Variants in GRXCR1 observed in about 807,000 individuals in gnomAD.
GRXCR1 encodes glutaredoxin and cysteine rich domain containing 1.
Under a neutral mutation model 27.3 loss-of-function variants are expected in GRXCR1, and 27 were observed. That is an observed-to-expected ratio of 0.99 (90% CI 0.73 to 1.37). The LOEUF (loss-of-function observed/expected upper bound fraction) is 1.37. Among genes scored for constraint, GRXCR1 ranks in the 40% most tolerant of loss-of-function variants. The pLI is 0.00. For synonymous variants in GRXCR1, 122 were observed against 131.1 expected, an observed-to-expected ratio of 0.93 and a Z score of 0.47; for missense variants, 379 against 354.4, an observed-to-expected ratio of 1.07 and a Z score of -0.56.
At chr4:42,894,050 C>T (rs985187165) in intron 1 of GRXCR1, among the ~76,000 whole-genome samples, 4 of 152,218 alleles carry the variant, frequency 2.6e-5, no homozygotes, top group African/African-American at 7.2e-5. Context: ...TAGATATTTA[C>T]ACCAGAAAAT....
At chr4:42,914,554 G>C (rs971810972) in intron 1 of GRXCR1, among the ~76,000 whole-genome samples, 6 of 152,190 alleles carry the variant, frequency 3.9e-5, no homozygotes, top group African/African-American at 1.4e-4. Flanking sequence ...CAGGCTCATA[G>C]GTGAAAGGGA....
chr4:42,994,191 A>G (rs754550047), intron 2 of GRXCR1, among the ~76,000 whole-genome samples: 5 of 152,138 alleles, frequency 3.3e-5, no homozygotes, highest in Non-Finnish European at 7.4e-5. Context: ...GGAGAGGACT[A>G]TAAGTCATGT....
chr4:42,989,266 G>T (rs1711881052), intron 2 of GRXCR1, among the ~76,000 whole-genome samples: 1 of 152,116 alleles, frequency 6.6e-6, no homozygotes, highest in African/African-American at 2.4e-5. Context: ...TTCTTGACTT[G>T]CAGGTGGCTG....
At chr4:42,901,056 C>T (rs1374616122) in intron 1 of GRXCR1, among the ~76,000 whole-genome samples, 1 of 152,192 alleles carries the variant, frequency 6.6e-6, no homozygotes, top group Non-Finnish European at 1.5e-5. Flanking sequence ...TGCTTCTAAA[C>T]TGTCCCAAGT....
At chr4:42,978,448 G>A (rs547754414) in intron 2 of GRXCR1, among the ~76,000 whole-genome samples, 1 of 151,882 alleles carries the variant, frequency 6.6e-6, no homozygotes, top group East Asian at 1.9e-4. Context: ...CAGAATATCT[G>A]TTCATTTATT....
intron 2 of GRXCR1, among the ~76,000 whole-genome samples, chr4:43,003,990 AGACTTTACT>A (rs755660347): frequency 6.6e-6 from 1 of 152,228 alleles, no homozygotes; most frequent in Admixed American, 6.5e-5. Flanking sequence ...GGCATGCCAG[AGACTTTACT>A]GACTGCCCCT....
intron 2 of GRXCR1, among the ~76,000 whole-genome samples, chr4:42,987,222 T>TTATATATAATATA (rs1553943891): frequency 9.9e-6 from 1 of 100,594 alleles, no homozygotes; most frequent in Non-Finnish European, 1.9e-5. Flanking sequence ...TATATATATA[T>TTATATATAATATA]TATATATTAT....
intron 1 of GRXCR1, among the ~76,000 whole-genome samples, chr4:42,922,593 C>T (rs773215359): frequency 5.9e-5 from 9 of 152,048 alleles, no homozygotes; most frequent in Non-Finnish European, 1.3e-4. Flanking sequence ...CCATGTCCCC[C>T]ATTAGGGCAA....
intron 2 of GRXCR1, among the ~76,000 whole-genome samples, chr4:43,014,241 A>G (rs376712037): frequency 1.3e-5 from 2 of 152,164 alleles, no homozygotes; most frequent in South Asian, 2.1e-4. Flanking sequence ...TGTTTGGCAC[A>G]GAACTCCAGG....
At chr4:42,934,062 T>C in intron 1 of GRXCR1, among the ~76,000 whole-genome samples, 1 of 151,828 alleles carries the variant, frequency 6.6e-6, no homozygotes, top group Non-Finnish European at 1.5e-5. Flanking sequence ...CTATTTTAAA[T>C]ATCCAAATGA....
chr4:42,926,307 T>C (rs150962541), intron 1 of GRXCR1, among the ~76,000 whole-genome samples: 3 of 152,176 alleles, frequency 2.0e-5, no homozygotes, highest in Admixed American at 2.0e-4. Context: ...TAAACGAGAA[T>C]GTTAGCTCCA....
chr4:42,999,801 C>A (rs1712290920), intron 2 of GRXCR1, among the ~76,000 whole-genome samples: 1 of 152,184 alleles, frequency 6.6e-6, no homozygotes, highest in Non-Finnish European at 1.5e-5. Flanking sequence ...TTGATGCAGC[C>A]TAAAGTACAT....
chr4:42,984,616 G>A (rs1175743529), intron 2 of GRXCR1, among the ~76,000 whole-genome samples: 2 of 152,230 alleles, frequency 1.3e-5, no homozygotes, highest in African/African-American at 2.4e-5. Flanking sequence ...TTGGGTCACT[G>A]AGGCTGGCAC....
chr4:43,027,892 T>C (rs2109811136), intron 3 of GRXCR1, among the ~76,000 whole-genome samples: 1 of 152,258 alleles, frequency 6.6e-6, no homozygotes, highest in Non-Finnish European at 1.5e-5. Flanking sequence ...GGTGGATCAC[T>C]TGAGTTAGGA....
intron 1 of GRXCR1, among the ~76,000 whole-genome samples, chr4:42,940,760 T>C (rs1747599305): frequency 6.6e-6 from 1 of 152,068 alleles, no homozygotes; most frequent in Non-Finnish European, 1.5e-5. Context: ...AATTCACTTT[T>C]TACTCTCGTT....
intron 1 of GRXCR1, among the ~76,000 whole-genome samples, chr4:42,958,422 G>C (rs192588029): frequency 1.3e-5 from 2 of 151,990 alleles, no homozygotes; most frequent in East Asian, 3.9e-4. Flanking sequence ...ATGGATTAAA[G>C]ATCTAAGTAT....
intron 1 of GRXCR1, among the ~76,000 whole-genome samples, chr4:42,901,922 G>C (rs1181809041): frequency 6.6e-6 from 1 of 152,192 alleles, no homozygotes. Context: ...ATTGAAACTG[G>C]TTTGCATTGT....
intron 2 of GRXCR1, among the ~76,000 whole-genome samples, chr4:42,966,551 A>G (rs1284293657): frequency 1.3e-5 from 2 of 152,072 alleles, no homozygotes; most frequent in African/African-American, 2.4e-5. Flanking sequence ...AGAAACACAA[A>G]CTGTAGGTAT....
At chr4:43,010,800 G>A (rs1712726401) in intron 2 of GRXCR1, among the ~76,000 whole-genome samples, 1 of 152,160 alleles carries the variant, frequency 6.6e-6, no homozygotes, top group African/African-American at 2.4e-5. Context: ...CTAAAAATTA[G>A]ACTAGTATTA....
Sources: gnomAD v4.1 joint callset for allele counts (sites outside exome capture counted in the v4.1 genomes callset) on GRCh38, gnomAD v4.1.1 for gene constraint, MANE v1.5 for transcripts, NCBI Gene and HGNC (gene_info 2026-07-23, HGNC 2026-07-21) for gene names.